Variants in LARGE1 observed in about 807,000 individuals in gnomAD.
LARGE1 encodes the protein LARGE xylosyl- and glucuronyltransferase 1.
Under a neutral mutation model 87.6 loss-of-function variants are expected in LARGE1, and 43 were observed. That is an observed-to-expected ratio of 0.49 (90% CI 0.38 to 0.63). The LOEUF is 0.63. Ranked by LOEUF, LARGE1 falls within the 30% of genes least tolerant of loss-of-function variation. The pLI is 0.00. For missense variants in LARGE1, 802 were observed against 1,000.2 expected, an observed-to-expected ratio of 0.80 and a Z score of 2.67; for synonymous variants, 434 against 394.6, an observed-to-expected ratio of 1.10 and a Z score of -1.18.
At chr22:33,680,893 T>TCATCACTTC (rs2081747987) in intron 2 of LARGE1, among the ~76,000 whole-genome samples, 1 of 152,220 alleles carries the variant, frequency 6.6e-6, no homozygotes, top group South Asian at 2.1e-4. Flanking sequence ...CTCTTTGTGT[T>TCATCACTTC]AAATGTGACA....
At position 33,381,698 on chromosome 22, in the gene LARGE1, G is replaced by A. The variant is rs16992221; in HGVS notation, c.1131+221C>T. 0.014 allele frequency among the ~76,000 whole-genome samples: 2,077 copies of A among 152,194 alleles called. 18 individuals are homozygous for A. The highest frequency in any genetic ancestry group is 0.022 in the Non-Finnish European group (1,499 of 68,004). On this transcript the variant is annotated intron_variant, in intron 9 of 14. Coordinates refer to ENST00000397394, the MANE Select transcript of LARGE1 (RefSeq NM_133642.5). ...GATGGCAAGAATAATAACCACACAA[G>A]CTGGTTCTTACGCCAGGAGGCTTTA...
At chr22:33,845,391 C>A (rs1439595398) in intron 1 of LARGE1, among the ~76,000 whole-genome samples, 2 of 152,166 alleles carry the variant, frequency 1.3e-5, no homozygotes, top group Non-Finnish European at 2.9e-5. Context: ...TCACCGCAAC[C>A]TCTACCTCCT....
intron 6 of LARGE1, among the ~76,000 whole-genome samples, chr22:33,536,186 G>T (rs532604973): frequency 1.7e-4 from 26 of 152,300 alleles, no homozygotes; most frequent in Non-Finnish European, 3.5e-4. Flanking sequence ...TGGTAGAGAC[G>T]AGACTATTTG....
intron 4 of LARGE1, among the ~76,000 whole-genome samples, chr22:33,609,413 G>A (rs1286150506): frequency 2.0e-5 from 3 of 152,198 alleles, no homozygotes; most frequent in Non-Finnish European, 4.4e-5. Context: ...ACAAGGAGGA[G>A]CACAAAAGCT....
intron 1 of LARGE1, among the ~76,000 whole-genome samples, chr22:33,769,554 C>T (rs896379317): frequency 6.6e-6 from 1 of 152,180 alleles, no homozygotes; most frequent in African/African-American, 2.4e-5. Context: ...TATTCATTAT[C>T]ATACAAACTA....
intron 1 of LARGE1, among the ~76,000 whole-genome samples, chr22:33,805,765 A>G (rs113307804): frequency 0.28 from 26,437 of 94,908 alleles, 3,779 homozygotes; most frequent in African/African-American, 0.54. Context: ...ATAAATGAAT[A>G]AATAAATAAA....
At chr22:33,482,720 A>C (rs1039168760) in intron 6 of LARGE1, among the ~76,000 whole-genome samples, 7 of 151,116 alleles carry the variant, frequency 4.6e-5, no homozygotes, top group Admixed American at 1.3e-4. Context: ...ATAAAAAAAA[A>C]CACCAAACAA....
intron 6 of LARGE1, among the ~76,000 whole-genome samples, chr22:33,545,364 T>C (rs780775286): frequency 2.7e-5 from 4 of 150,608 alleles, no homozygotes; most frequent in Non-Finnish European, 5.9e-5. Flanking sequence ...CCTCCTGTGT[T>C]CAACTCAGCC....
At position 33,278,125 on chromosome 22, in the gene LARGE1, T is replaced by C. The variant is rs571690371; in HGVS notation, c.1878-870A>G. ...GAGATGATTGAATCATGTGACCCTT[T>C]AGACCTGGGTCTGGAAGAAAGCAAG... On this transcript the variant is annotated intron_variant, in intron 13 of 14. Transcript: ENST00000397394. Among the ~76,000 whole-genome samples, 3 of 152,340 alleles carry C rather than the reference T, an allele frequency of 2.0e-5. No individual in the cohort carries two copies. In the South Asian group the frequency reaches 6.2e-4, roughly 32 times the overall value.
the LARGE1 span, among the ~76,000 whole-genome samples, chr22:33,140,920 CA>C: frequency 6.6e-6 from 1 of 152,158 alleles, no homozygotes; most frequent in East Asian, 1.9e-4. Flanking sequence ...TCTAGAGATA[CA>C]GAAGATTTTC....
chr22:33,354,682 G>T (rs1209866581), intron 9 of LARGE1, among the ~76,000 whole-genome samples: 1 of 152,202 alleles, frequency 6.6e-6, no homozygotes, highest in African/African-American at 2.4e-5. Flanking sequence ...ATTTTTGTAT[G>T]ACTTTTGGAT....
intron 2 of LARGE1, among the ~76,000 whole-genome samples, chr22:33,662,434 A>T (rs1033556200): frequency 6.6e-6 from 1 of 152,134 alleles, no homozygotes; most frequent in East Asian, 1.9e-4. Flanking sequence ...TCTACAGTCA[A>T]CTGGCTTTGA....
intron 12 of LARGE1, among the ~76,000 whole-genome samples, chr22:33,289,365 C>G (rs529354575): frequency 6.6e-6 from 1 of 152,190 alleles, no homozygotes; most frequent in Non-Finnish European, 1.5e-5. Context: ...AGCTTCCAAA[C>G]CTGACTGCTC....
intron 9 of LARGE1, among the ~76,000 whole-genome samples, chr22:33,338,625 T>A (rs1490950270): frequency 6.6e-6 from 1 of 152,118 alleles, no homozygotes; most frequent in African/African-American, 2.4e-5. Flanking sequence ...CTCATAAAGC[T>A]TTTTTGAAAA....
At chr22:33,877,485 T>C (rs1342751769) in intron 1 of LARGE1, among the ~76,000 whole-genome samples, 1 of 152,216 alleles carries the variant, frequency 6.6e-6, no homozygotes, top group African/African-American at 2.4e-5. Context: ...GCAAGTTTCT[T>C]AATCTCTCTA....
At chr22:33,710,091 T>C (rs1569394388) in intron 2 of LARGE1, among the ~76,000 whole-genome samples, 1 of 152,122 alleles carries the variant, frequency 6.6e-6, no homozygotes, top group African/African-American at 2.4e-5. Context: ...AAATGTCTGT[T>C]TGAGTAGCTA....
intron 6 of LARGE1, among the ~76,000 whole-genome samples, chr22:33,461,993 G>A (rs1310622548): frequency 2.6e-5 from 4 of 152,156 alleles, no homozygotes; most frequent in African/African-American, 7.2e-5. Context: ...CTCCTCCTGG[G>A]TTTCTAACAG....
At chr22:33,334,501 A>G (rs886489665) in intron 10 of LARGE1, among the ~76,000 whole-genome samples, 1 of 151,672 alleles carries the variant, frequency 6.6e-6, no homozygotes, top group Non-Finnish European at 1.5e-5. Context: ...GTGTGGGGGT[A>G]GGGGATTGCA....
intron 1 of LARGE1, among the ~76,000 whole-genome samples, chr22:33,810,207 G>A (rs528702568): frequency 3.5e-4 from 54 of 152,254 alleles, no homozygotes; most frequent in Admixed American, 2.9e-3. Flanking sequence ...CTGTTTTCAC[G>A]TTTGCAGGTA....
Sources: allele counts gnomAD v4.1 joint callset (sites outside exome capture counted in the v4.1 genomes callset), GRCh38; gene constraint gnomAD v4.1.1; transcripts MANE v1.5; gene names NCBI Gene and HGNC (gene_info 2026-07-23, HGNC 2026-07-21).